The following ARMC9 variants were observed in gnomAD, a reference collection of about 807,000 sequenced individuals.
ARMC9 encodes the protein armadillo repeat containing 9.
ARMC9 carries 94 observed loss-of-function variants against 107.0 expected under a neutral mutation model. That is an observed-to-expected ratio of 0.88 (90% CI 0.74 to 1.04). The LOEUF is 1.04. ARMC9 is among the 50% of genes least tolerant of loss of function. The probability of loss-of-function intolerance (pLI) is 0.00; values close to 1 mark genes in which losing one functional copy is unlikely to be tolerated. For synonymous variants in ARMC9, 380 were observed against 396.9 expected, an observed-to-expected ratio of 0.96 and a Z score of 0.51; for missense variants, 942 against 1,030.1, an observed-to-expected ratio of 0.91 and a Z score of 1.17.
chr2:231,316,664 C>CAAA (rs780066527), intron 19 of ARMC9, among the ~76,000 whole-genome samples: 75 of 130,878 alleles, frequency 5.7e-4, no homozygotes, highest in Non-Finnish European at 1.0e-3. Flanking sequence ...GACTCCATCT[C>CAAA]AAAAAAAAAA....
intron 19 of ARMC9, among the ~76,000 whole-genome samples, chr2:231,298,117 G>C (rs1325828146): frequency 6.6e-6 from 1 of 152,192 alleles, no homozygotes; most frequent in African/African-American, 2.4e-5. Context: ...CTTTTAAGAG[G>C]TTGATGTTTG....
intron 21 of ARMC9, among the ~76,000 whole-genome samples, chr2:231,351,818 T>C (rs1264260852): frequency 6.6e-6 from 1 of 152,122 alleles, no homozygotes; most frequent in Non-Finnish European, 1.5e-5. Context: ...TACATAAATA[T>C]TCGTAACTAA....
chr2:231,222,523 T>C (rs952311309), intron 5 of ARMC9, among the ~76,000 whole-genome samples: 4 of 152,346 alleles, frequency 2.6e-5, no homozygotes, highest in Non-Finnish European at 4.4e-5. Context: ...AACTCTATTT[T>C]TTCTTCCTAC....
At chr2:231,370,448 TTGGCCCTGAGC>T (rs2045972248) in intron 24 of ARMC9, 1 of 261,888 alleles carries the variant, frequency 3.8e-6, no homozygotes, top group Non-Finnish European at 7.2e-6. Flanking sequence ...GCTCACAGAG[TTGGCCCTGAGC>T]TGGCCCTGCT....
chr2:231,307,761 G>C (rs1331090093), intron 19 of ARMC9, among the ~76,000 whole-genome samples: 1 of 152,206 alleles, frequency 6.6e-6, no homozygotes, highest in Non-Finnish European at 1.5e-5. Flanking sequence ...ACTGCCACCA[G>C]GCATCTGGCC....
intron 3 of ARMC9, among the ~76,000 whole-genome samples, chr2:231,209,250 A>C (rs746393633): frequency 9.9e-5 from 15 of 152,094 alleles, no homozygotes; most frequent in Non-Finnish European, 2.1e-4. Flanking sequence ...GCATGGTGGC[A>C]TGCACCTGTA....
At position 231,307,982 on chromosome 2, in the gene ARMC9, G is replaced by C. The variant is rs191732043; in HGVS notation, c.1773+11729G>C. ...ACCAGCCTGATGCTAACCAAGGGGG[G>C]TTCACTTTGGCCACAGCTCAGGGAG... On this transcript the variant is annotated intron_variant, in intron 19 of 24. Transcript: ENST00000611582. Among the ~76,000 whole-genome samples the C allele has an allele frequency of 2.2e-3, 331 of 152,368 alleles. 2 individuals are homozygous for C. The highest frequency in any genetic ancestry group is 7.6e-3 in the African/African-American group (316 of 41,592).
At chr2:231,259,192 C>T in intron 11 of ARMC9, 90 bp downstream of exon 11, 1 of 1,128,394 alleles carries the variant, frequency 8.9e-7, no homozygotes, top group Non-Finnish European at 1.3e-6. Context: ...TTTAACCCAT[C>T]TTCCAGAAAT....
intron 8 of ARMC9, among the ~76,000 whole-genome samples, chr2:231,238,975 A>T (rs2036022680): frequency 6.6e-6 from 1 of 152,208 alleles, no homozygotes; most frequent in Admixed American, 6.5e-5. Context: ...CCTTCCTCCC[A>T]TGCAAGTGGA....
At chr2:231,224,163 C>G (rs2034426608) in intron 6 of ARMC9, among the ~76,000 whole-genome samples, 1 of 152,090 alleles carries the variant, frequency 6.6e-6, no homozygotes, top group African/African-American at 2.4e-5. Context: ...AAAACAGTAC[C>G]TGACTGGGCC....
intron 19 of ARMC9, among the ~76,000 whole-genome samples, chr2:231,312,508 T>C (rs1322142808): frequency 2.0e-5 from 3 of 152,308 alleles, no homozygotes; most frequent in Middle Eastern, 3.4e-3. Flanking sequence ...TTTGTGGCGG[T>C]TAAACAGTCT....
At chr2:231,249,363 G>A (rs1186306928) in intron 9 of ARMC9, among the ~76,000 whole-genome samples, 3 of 152,090 alleles carry the variant, frequency 2.0e-5, no homozygotes, top group African/African-American at 7.2e-5. Flanking sequence ...TACCCCTGCT[G>A]AGTCCAGTCA....
At chr2:231,238,416 C>T (rs955609415) in intron 8 of ARMC9, among the ~76,000 whole-genome samples, 1 of 152,212 alleles carries the variant, frequency 6.6e-6, no homozygotes, top group Non-Finnish European at 1.5e-5. Flanking sequence ...GTGGTGCAAT[C>T]TCAGCTCACT....
chr2:231,218,984 T>G lies in ARMC9; in HGVS notation c.504+2191T>G, dbSNP rs373930766. Reference sequence around the variant, plus strand: ...CCAGGCTGGTCTCAAACTCCTGACCTCAGGTGATCCGCCTGCCTCAGCCTC... The same window carrying G: ...CCAGGCTGGTCTCAAACTCCTGACCGCAGGTGATCCGCCTGCCTCAGCCTC... On this transcript the variant is annotated intron_variant, in intron 5 of 24. Transcript: ENST00000611582. Among the ~76,000 whole-genome samples, 1,082 of 152,230 alleles carry G rather than the reference T, an allele frequency of 7.1e-3. 12 individuals are homozygous for G. The highest frequency in any genetic ancestry group is 0.025 in the African/African-American group (1,019 of 41,546).
intron 19 of ARMC9, among the ~76,000 whole-genome samples, chr2:231,315,542 A>C (rs2042620671): frequency 6.6e-6 from 1 of 152,128 alleles, no homozygotes; most frequent in African/African-American, 2.4e-5. Flanking sequence ...CCATCTCATA[A>C]ATAAATAAAT....
At chr2:231,363,839 G>T (rs190381903) in intron 23 of ARMC9, among the ~76,000 whole-genome samples, 2 of 126,116 alleles carry the variant, frequency 1.6e-5, no homozygotes, top group Admixed American at 2.1e-4. Context: ...AGCCGAGATC[G>T]CACCACTGCA....
chr2:231,345,157 G>A lies in ARMC9; in HGVS notation c.1994+67G>A. On this transcript the variant is annotated intron_variant, in intron 21 of 24. Transcript: ENST00000611582. ...CTTTGTTTTGATTACAGTGTAAGAT[G>A]TATGTATTTTTAAAATTCAAAATAA... 3.8e-6 allele frequency: 6 copies of A among 1,565,590 alleles called. No individual in the cohort carries two copies. In the South Asian group the frequency reaches 7.2e-5, roughly 19 times the overall value.
intron 9 of ARMC9, chr2:231,240,286 G>A (rs996739195): frequency 4.0e-5 from 21 of 519,676 alleles, no homozygotes; most frequent in Admixed American, 2.5e-4. Context: ...CACTCAGTGG[G>A]GGTTCCCAGG....
intron 13 of ARMC9, among the ~76,000 whole-genome samples, chr2:231,271,788 A>C (rs1488684687): frequency 1.3e-5 from 2 of 152,298 alleles, no homozygotes; most frequent in African/African-American, 2.4e-5. Flanking sequence ...AACATCTTCC[A>C]TATCCATTCA....
Sources: gnomAD v4.1 joint callset for allele counts (sites outside exome capture counted in the v4.1 genomes callset) on GRCh38, gnomAD v4.1.1 for gene constraint, MANE v1.5 for transcripts, NCBI Gene and HGNC (gene_info 2026-07-23, HGNC 2026-07-21) for gene names.